CTNNAL1: variants seen among roughly 807,000 people sequenced by gnomAD.
CTNNAL1 encodes catenin alpha like 1.
Under a neutral mutation model 93.6 loss-of-function variants are expected in CTNNAL1, and 69 were observed. The ratio of observed to expected loss-of-function variants is 0.74; its 90% confidence interval spans 0.61 to 0.90. The LOEUF is 0.90. Ranked by LOEUF, CTNNAL1 falls within the 40% of genes least tolerant of loss-of-function variation. CTNNAL1 has a pLI of 0.00. For synonymous variants in CTNNAL1, 286 were observed against 305.4 expected (o/e 0.94, Z 0.66); for missense variants, 836 against 862.0 (o/e 0.97, Z 0.38).
chr9:108,977,067 A>G lies in CTNNAL1; in HGVS notation c.1102-19T>C. The G allele has an allele frequency of 8.2e-7, 1 of 1,216,408 alleles. No homozygotes were observed. The highest frequency in any genetic ancestry group is 1.1e-6 in the Non-Finnish European group (1 of 871,336). 75.4% of individuals were successfully genotyped at this position (1,216,408 alleles called of 1,614,324 possible). On this transcript the variant is annotated intron_variant, in intron 7 of 18. Coordinates refer to ENST00000325551, the MANE Select transcript of CTNNAL1 (RefSeq NM_003798.4). Reference sequence around the variant, plus strand: ...TGCTTTGCTAAAAATTTTAAAAAGTATACATGTAATGTTACCGCATCTCTT... The same window carrying G: ...TGCTTTGCTAAAAATTTTAAAAAGTGTACATGTAATGTTACCGCATCTCTT...
At chr9:108,960,704 G>T (rs1004781891) in intron 11 of CTNNAL1, among the ~76,000 whole-genome samples, 1 of 152,172 alleles carries the variant, frequency 6.6e-6, no homozygotes, top group Non-Finnish European at 1.5e-5. Context: ...GATAGAGACC[G>T]CAAGCTCTGA....
chr9:108,950,465 G>A, intron 14 of CTNNAL1: 1 of 1,541,178 alleles, frequency 6.5e-7, no homozygotes, highest in East Asian at 2.4e-5. Flanking sequence ...CTAAACAGCA[G>A]CAAAATTTCT....
chr9:108,984,116 C>G (rs1587972517), intron 5 of CTNNAL1, among the ~76,000 whole-genome samples: 1 of 152,144 alleles, frequency 6.6e-6, no homozygotes, highest in Non-Finnish European at 1.5e-5. Flanking sequence ...ACCTAATACA[C>G]CATGTTCTGC....
At chr9:108,991,639 C>A (rs377420470) in intron 3 of CTNNAL1, among the ~76,000 whole-genome samples, 2 of 152,086 alleles carry the variant, frequency 1.3e-5, no homozygotes, top group Admixed American at 6.6e-5. Flanking sequence ...GAAGTTCAGG[C>A]GACTAACACT....
chr9:109,006,418 G>A (rs10979652), intron 1 of CTNNAL1, among the ~76,000 whole-genome samples: 8,033 of 152,146 alleles, frequency 0.053, 339 homozygotes, highest in East Asian at 0.15. Context: ...TTTGCCCGAG[G>A]TCACAAAGCC....
At chr9:108,950,952 T>C (rs1830544510) in intron 14 of CTNNAL1, among the ~76,000 whole-genome samples, 1 of 152,094 alleles carries the variant, frequency 6.6e-6, no homozygotes. Flanking sequence ...CATCTACCTA[T>C]TCTTTTGCTT....
At chr9:109,005,408 T>A (rs1287843015) in intron 1 of CTNNAL1, among the ~76,000 whole-genome samples, 1 of 152,028 alleles carries the variant, frequency 6.6e-6, no homozygotes, top group Non-Finnish European at 1.5e-5. Flanking sequence ...CAAATCCTTA[T>A]GTTAAAATCC....
At chr9:108,998,019 A>G (rs1314279295) in intron 2 of CTNNAL1, among the ~76,000 whole-genome samples, 1 of 152,224 alleles carries the variant, frequency 6.6e-6, no homozygotes, top group Non-Finnish European at 1.5e-5. Flanking sequence ...CACTTAGAAC[A>G]TAGTCCAAAA....
intron 14 of CTNNAL1, chr9:108,950,677 G>T (rs1830536766): frequency 1.3e-6 from 2 of 1,488,130 alleles, no homozygotes; most frequent in Admixed American, 2.4e-5. Context: ...CCCATAAAAG[G>T]AGGTGGATGC....
intron 11 of CTNNAL1, among the ~76,000 whole-genome samples, chr9:108,958,063 CAAAAAAAAAAAAA>C (rs11291554): frequency 1.2e-5 from 1 of 85,114 alleles, no homozygotes; most frequent in South Asian, 4.3e-4. Flanking sequence ...AAGACTGTCT[CAAAAAAAAAAAAA>C]AAAAAAAACA....
rs764818762 is a variant in CTNNAL1 at position 108,943,948 on chromosome 9, T to G, written c.1941+14A>C. The G allele has an allele frequency of 2.5e-6, 4 of 1,612,568 alleles. No homozygotes were observed. Among genetic ancestry groups the G allele is most frequent in the Admixed American group, 3.3e-5 (2 of 59,768 alleles). ...AATACCACCACCAGCTCCAGGTAGGTAGACATGTGTTACCTGTTTTGAAAA... is the reference window on the plus strand; with the variant it reads ...AATACCACCACCAGCTCCAGGTAGGGAGACATGTGTTACCTGTTTTGAAAA... On this transcript the variant is annotated intron_variant, in intron 16 of 18. Transcript: ENST00000325551.
At position 108,948,185 on chromosome 9, in the gene CTNNAL1, C is replaced by A. The variant is rs767467939; in HGVS notation, c.1884+1G>T. ...TAGCATAAAACGGAAACAAGGCATA[C>A]CTCTAGTTGATGAATTAAATCCTGG... On this transcript the variant is annotated splice_donor_variant, in intron 15 of 18. Coordinates refer to ENST00000325551, the MANE Select transcript of CTNNAL1 (RefSeq NM_003798.4). LOFTEE classifies it high-confidence loss of function. The A allele has an allele frequency of 6.2e-7, 1 of 1,611,636 alleles. No homozygotes were observed. Among genetic ancestry groups the A allele is most frequent in the Admixed American group, 1.7e-5 (1 of 59,396 alleles).
At chr9:108,983,552 T>C (rs956935079) in intron 5 of CTNNAL1, among the ~76,000 whole-genome samples, 2 of 152,178 alleles carry the variant, frequency 1.3e-5, no homozygotes, top group African/African-American at 4.8e-5. Flanking sequence ...AACAGTAAGT[T>C]TACTTAAAAA....
chr9:109,003,711 G>C (rs917944912), intron 1 of CTNNAL1, among the ~76,000 whole-genome samples: 5 of 152,116 alleles, frequency 3.3e-5, no homozygotes, highest in Non-Finnish European at 5.9e-5. Context: ...TCCTAAAGCT[G>C]AAAGACGTTA....
intron 3 of CTNNAL1, among the ~76,000 whole-genome samples, chr9:108,991,316 T>A (rs1047835436): frequency 3.3e-5 from 5 of 151,686 alleles, no homozygotes; most frequent in African/African-American, 1.2e-4. Flanking sequence ...GAGTATAGAG[T>A]CGAAAGGGAA....
chr9:109,001,879 C>T (rs1826841790), intron 1 of CTNNAL1, among the ~76,000 whole-genome samples: 1 of 152,166 alleles, frequency 6.6e-6, no homozygotes, highest in Non-Finnish European at 1.5e-5. Flanking sequence ...TTTTAATGCA[C>T]TAAATTTCAG....
intron 1 of CTNNAL1, among the ~76,000 whole-genome samples, chr9:109,011,859 T>C (rs1249226390): frequency 2.0e-5 from 3 of 152,268 alleles, no homozygotes; most frequent in Admixed American, 6.5e-5. Context: ...GCCTACCACA[T>C]AGTAAGCATT....
chr9:109,011,998 G>A (rs1472194355), intron 1 of CTNNAL1, among the ~76,000 whole-genome samples: 3 of 152,242 alleles, frequency 2.0e-5, no homozygotes, highest in Non-Finnish European at 4.4e-5. Flanking sequence ...GGAGATAGGC[G>A]AGGAGCGGAG....
intron 1 of CTNNAL1, among the ~76,000 whole-genome samples, chr9:109,002,471 G>C (rs180853905): frequency 1.1e-4 from 17 of 152,292 alleles, no homozygotes; most frequent in African/African-American, 4.1e-4. Flanking sequence ...CTGGAGAAAA[G>C]GGGTTCCTTG....
Sources: gnomAD v4.1 joint callset for allele counts (sites outside exome capture counted in the v4.1 genomes callset) on GRCh38, gnomAD v4.1.1 for gene constraint, MANE v1.5 for transcripts, NCBI Gene and HGNC (gene_info 2026-07-23, HGNC 2026-07-21) for gene names.